Variants in MYO19 observed in about 807,000 individuals in gnomAD.
MYO19 encodes unconventional myosin-XIX.
In MYO19, 132 loss-of-function variants were observed where a neutral mutation model predicts 129.2. That is an observed-to-expected ratio of 1.02 (90% CI 0.89 to 1.18). The LOEUF (loss-of-function observed/expected upper bound fraction) is 1.18, where lower values mean the gene tolerates loss of function less well. MYO19 is among the 50% of genes most tolerant of loss of function. MYO19 has a pLI of 0.00. For missense variants in MYO19, 1,210 were observed against 1,216.7 expected (o/e 0.99, Z 0.08); for synonymous variants, 531 against 477.2 (o/e 1.11, Z -1.47).
At chr17:36,541,879 AAAT>A (rs2074199464) in intron 2 of MYO19, among the ~76,000 whole-genome samples, 1 of 152,242 alleles carries the variant, frequency 6.6e-6, no homozygotes. Context: ...GTGAAAATAA[AAAT>A]AAGTGCCTAC....
chr17:36,499,094 C>G lies in MYO19; in HGVS notation c.2444G>C (p.Arg815Pro), dbSNP rs370380838. The G allele has an allele frequency of 6.2e-7, 1 of 1,609,824 alleles. No homozygotes were observed. The highest frequency in any genetic ancestry group is 1.7e-5 in the Admixed American group (1 of 59,606). Reference sequence around the variant, plus strand: ...ACTTACTCTCCACTTCTGCCATGCACGCTTGATGACTGTGGCAGCTGCATG... The same window carrying G: ...ACTTACTCTCCACTTCTGCCATGCAGGCTTGATGACTGTGGCAGCTGCATG... ...RLHAAATVIKRAWQKWRIRMA... is the reference protein window; with the variant it reads ...RLHAAATVIKPAWQKWRIRMA... The change falls in exon 24 of 26, where the codon CGT becomes CCT. Residue 815 changes from arginine (R) to proline (P), a missense_variant. Arg to Pro is a moderately radical substitution (Grantham distance 103). Coordinates refer to ENST00000614623, the MANE Select transcript of MYO19 (RefSeq NM_001163735.2).
rs2071805733 is a variant in MYO19, at chr17:36,505,299, C to A, written c.1903G>T (p.Glu635Ter). Residue 635 changes from glutamate to a stop codon, truncating the protein, a stop_gained and splice_region_variant, in exon 19 of 26, where the codon GAG becomes TAG. Coordinates refer to ENST00000614623, the MANE Select transcript of MYO19 (RefSeq NM_001163735.2). LOFTEE classifies it high-confidence loss of function. The part of the protein sequence containing the change: ...QGQAQTFLQE[E>*]VLSQLEACGL... ...AGCTTTGGCCCGGTGTTAATTACCT[C>A]CTCTTGGAGAAAGGTCTGCGCCTGG... The A allele has an allele frequency of 1.2e-6, 2 of 1,614,088 alleles. No homozygotes were observed. Among genetic ancestry groups the A allele is most frequent in the East Asian group, 4.5e-5 (2 of 44,886 alleles).
chr17:36,501,139 C>T lies in MYO19; in HGVS notation c.2177G>A (p.Gly726Asp). The T allele has an allele frequency of 6.2e-7, 1 of 1,614,074 alleles. No individual in the cohort carries two copies. The highest frequency in any genetic ancestry group is 8.5e-7 in the Non-Finnish European group (1 of 1,179,908). The change falls in exon 22 of 26, where the codon GGT (glycine) becomes GAT (aspartate). Residue 726 changes from glycine to aspartate, a missense_variant. Coordinates refer to ENST00000614623, the MANE Select transcript of MYO19 (RefSeq NM_001163735.2). ...GGCTGGCATGGCCTCAGCCGAGTCA[C>T]CAGTTATGGCTGCTGCCTGAGTTAG... is the stretch of plus-strand genomic sequence containing the variant. ...PVLTQAAAIT[G>D]DSAEAMPAPM...
chr17:36,514,361 G>T (rs962544746), intron 9 of MYO19, 85 bp downstream of exon 9: 1 of 866,360 alleles, frequency 1.2e-6, no homozygotes, highest in Non-Finnish European at 2.0e-6. Flanking sequence ...ACCAGGTATG[G>T]AGCATTCTGG....
At chr17:36,506,346 A>C in intron 18 of MYO19, 110 bp downstream of exon 18, 1 of 1,371,048 alleles carries the variant, frequency 7.3e-7, no homozygotes, top group Non-Finnish European at 1.0e-6. Context: ...CATCTACTTG[A>C]CTTGCCACTG....
intron 23 of MYO19, chr17:36,500,059 A>C (rs985485358): frequency 4.6e-5 from 7 of 151,948 alleles, no homozygotes; most frequent in African/African-American, 1.7e-4. Flanking sequence ...GGGTTTTGCC[A>C]TGTTGCCCGG....
At chr17:36,504,158 T>A in intron 19 of MYO19, 138 bp from the exon 20 acceptor site, 1 of 598,476 alleles carries the variant, frequency 1.7e-6, no homozygotes, top group Non-Finnish European at 2.8e-6. Context: ...AATGGGGGTA[T>A]CTCCTTGGGG....
At chr17:36,527,398 A>C (rs1006755195) in intron 5 of MYO19, among the ~76,000 whole-genome samples, 153 bp downstream of exon 5, 1 of 152,166 alleles carries the variant, frequency 6.6e-6, no homozygotes, top group Non-Finnish European at 1.5e-5. Flanking sequence ...ATGGTTCAAA[A>C]TTCTGCCAGC....
At chr17:36,524,120 T>C (rs2073312393) in intron 6 of MYO19, among the ~76,000 whole-genome samples, 2 of 152,230 alleles carry the variant, frequency 1.3e-5, no homozygotes, top group Non-Finnish European at 1.5e-5. Context: ...AGAGCAATTC[T>C]GGGGGACAAG....
intron 25 of MYO19, 32 bp downstream of exon 25, chr17:36,498,234 C>A: frequency 6.3e-7 from 1 of 1,589,814 alleles, no homozygotes; most frequent in South Asian, 1.1e-5. Context: ...TTCTCAGGAA[C>A]AAAGCTGTCA....
chr17:36,517,051 C>A (rs1413202611), intron 6 of MYO19, among the ~76,000 whole-genome samples: 1 of 152,024 alleles, frequency 6.6e-6, no homozygotes, highest in Non-Finnish European at 1.5e-5. Flanking sequence ...TATTCAGGTT[C>A]TTTTTCTTCT....
At chr17:36,532,286 C>T (rs2073877094) in intron 3 of MYO19, among the ~76,000 whole-genome samples, 2 of 152,156 alleles carry the variant, frequency 1.3e-5, no homozygotes, top group Admixed American at 1.3e-4. Context: ...CCCCAAAGTG[C>T]CCTAAGGATT....
At chr17:36,506,942 A>G (rs2071942387) in intron 17 of MYO19, 21 bp downstream of exon 17, 1 of 1,557,234 alleles carries the variant, frequency 6.4e-7, no homozygotes, top group Non-Finnish European at 8.7e-7. Flanking sequence ...CAGGCCCCAC[A>G]GGGCATGGCC....
intron 4 of MYO19, 73 bp from the exon 5 acceptor site, chr17:36,527,772 T>A: frequency 6.8e-7 from 1 of 1,468,722 alleles, no homozygotes; most frequent in Non-Finnish European, 9.2e-7. Flanking sequence ...CACATCTACT[T>A]AAGTAACAGC....
rs1469785537 is a variant in MYO19 at position 36,499,138 on chromosome 17, C to A, written c.2400G>T (p.Arg800=). The A allele has an allele frequency of 2.5e-6, 4 of 1,608,358 alleles. No individual in the cohort carries two copies. The highest frequency in any genetic ancestry group is 3.4e-6 in the Non-Finnish European group (4 of 1,177,242). The change falls in exon 24 of 26, where the codon CGG becomes CGT. Residue 800 remains arginine (R), a synonymous_variant. Coordinates refer to ENST00000614623, the MANE Select transcript of MYO19 (RefSeq NM_001163735.2). Reference sequence around the variant, plus strand: ...CTGCATGCAGCCTCTGGATGTGTTTCCGAGTTAACCAGGAACGAATGGCTA... The same window carrying A: ...CTGCATGCAGCCTCTGGATGTGTTTACGAGTTAACCAGGAACGAATGGCTA... ...IQAAIRSWLT[R]KHIQRLHAAA...
At position 36,507,819 on chromosome 17, in the gene MYO19, TA is replaced by T. The variant is rs753714551; in HGVS notation, c.1336del (p.Tyr446ThrfsTer2). 1.9e-6 allele frequency: 3 copies of T among 1,612,706 alleles called. No homozygotes were observed. Among genetic ancestry groups the T allele is most frequent in the Non-Finnish European group, 2.5e-6 (3 of 1,179,168 alleles). On this transcript the variant is annotated frameshift_variant, in exon 15 of 26. Transcript: ENST00000614623. LOFTEE classifies it high-confidence loss of function. ...EKLQQHFVAH[Y>X]LRAQQEEYAV... ...ATCCCTCACCTGCTGGGCCCTTAGG[TA>T]GTGAGCCACAAAATGCTGCTGCAGC...
intron 3 of MYO19, among the ~76,000 whole-genome samples, chr17:36,529,062 G>T (rs539068823): frequency 6.6e-6 from 1 of 152,082 alleles, no homozygotes; most frequent in Non-Finnish European, 1.5e-5. Flanking sequence ...CCCTTGGCCC[G>T]AGTCTGCTTG....
At chr17:36,506,810 G>T in intron 17 of MYO19, 153 bp downstream of exon 17, 2 of 1,117,872 alleles carry the variant, frequency 1.8e-6, no homozygotes. Context: ...GATTAGTGGA[G>T]ACCTCAGACA....
Position 36,518,610 on chromosome 17 carries a change from G to A in MYO19, c.415-2620C>T, listed in dbSNP as rs549116212. 3.9e-5 allele frequency among the ~76,000 whole-genome samples: 5 copies of A among 129,406 alleles called. No individual in the cohort carries two copies. In the East Asian group the frequency reaches 1.1e-3, roughly 30 times the overall value. The allele number at this position is 129,406 out of a possible 152,430, so 84.9% of individuals were successfully genotyped here. A position where few individuals can be genotyped will look rare whatever the true frequency, so the allele number is the denominator to read the frequency against. On this transcript the variant is annotated intron_variant, in intron 6 of 25. Coordinates refer to ENST00000614623, the MANE Select transcript of MYO19 (RefSeq NM_001163735.2). ...AGTATGTATATATATATAAAAGTAT[G>A]TATATATATGTCTCCTTAGAAGATA...
Sources: allele counts gnomAD v4.1 joint callset (sites outside exome capture counted in the v4.1 genomes callset), GRCh38; gene constraint gnomAD v4.1.1; transcripts MANE v1.5; gene names NCBI Gene and HGNC (gene_info 2026-07-23, HGNC 2026-07-21).